The following LRIG1 variants were observed in gnomAD, a reference collection of about 807,000 sequenced individuals.
LRIG1 encodes the protein leucine rich repeats and immunoglobulin like domains 1, also known as leucine-rich repeats and immunoglobulin-like domains protein 1.
Under a neutral mutation model 99.2 loss-of-function variants are expected in LRIG1, and 48 were observed. That is an observed-to-expected ratio of 0.48 (90% CI 0.38 to 0.62). LRIG1 has a LOEUF of 0.62. LRIG1 is among the 20% of genes least tolerant of loss of function. The pLI is 0.00. For synonymous variants in LRIG1, 772 were observed against 596.1 expected (o/e 1.29, Z -4.30); for missense variants, 1,646 against 1,434.4 (o/e 1.15, Z -2.38).
intron 3 of LRIG1, among the ~76,000 whole-genome samples, chr3:66,437,368 G>T (rs1218757247): frequency 1.3e-5 from 2 of 152,200 alleles, no homozygotes; most frequent in East Asian, 3.8e-4. Context: ...CCCCAATAAT[G>T]AGCCCTGGGG....
chr3:66,493,260 T>A (rs749393084), intron 1 of LRIG1, among the ~76,000 whole-genome samples: 1 of 152,178 alleles, frequency 6.6e-6, no homozygotes, highest in Non-Finnish European at 1.5e-5. Context: ...TGGGAAATAA[T>A]AGGATAAAAT....
At chr3:66,413,052 G>A (rs1347029693) in intron 5 of LRIG1, 38 bp from the exon 6 acceptor site, 1 of 1,610,748 alleles carries the variant, frequency 6.2e-7, no homozygotes, top group Non-Finnish European at 8.5e-7. Flanking sequence ...AGTGTCTTAT[G>A]TGCATATCCC....
chr3:66,493,952 AG>A (rs1701168577), intron 1 of LRIG1, among the ~76,000 whole-genome samples: 1 of 150,774 alleles, frequency 6.6e-6, no homozygotes, highest in African/African-American at 2.4e-5. Flanking sequence ...AAACAGAGAA[AG>A]AAAGAAAGAA....
rs1701344220 is a variant in LRIG1 at position 66,500,908 on chromosome 3, T to C, written c.-501A>G. The C allele has an allele frequency of 6.6e-6, 1 of 151,762 alleles. No homozygotes were observed. The highest frequency in any genetic ancestry group is 2.1e-4 in the South Asian group (1 of 4,830). 9.4% of individuals were successfully genotyped at this position (151,762 alleles called of 1,614,324 possible). ...GCTGGGAGGCCCCAGTGCGCCTCGC[T>C]GTCCCCACGCCGCGGCCAGAGAGCG... is the stretch of plus-strand genomic sequence containing the variant. On this transcript the variant is annotated 5_prime_UTR_variant, in exon 1 of 19. Coordinates refer to ENST00000273261, the MANE Select transcript of LRIG1 (RefSeq NM_015541.3).
At chr3:66,478,128 T>TAAA (rs1206930294) in intron 1 of LRIG1, among the ~76,000 whole-genome samples, 1 of 152,232 alleles carries the variant, frequency 6.6e-6, no homozygotes, top group Admixed American at 6.5e-5. Context: ...CCACACCGTT[T>TAAA]ATTTGCCGCC....
chr3:66,439,712 G>A (rs943777579), intron 3 of LRIG1, among the ~76,000 whole-genome samples: 7 of 152,106 alleles, frequency 4.6e-5, no homozygotes, highest in Non-Finnish European at 8.8e-5. Context: ...TGACATATAG[G>A]TAGAATGCAA....
At chr3:66,468,511 C>T (rs532793720) in intron 1 of LRIG1, among the ~76,000 whole-genome samples, 11 of 152,276 alleles carry the variant, frequency 7.2e-5, no homozygotes, top group Admixed American at 2.0e-4. Context: ...GACTCCTGAG[C>T]GCCACAGTAT....
In LRIG1 at chr3:66,481,249, C is replaced by A. The variant is rs142047319; in HGVS notation, c.219-18740G>T. Among the ~76,000 whole-genome samples the A allele has an allele frequency of 3.2e-3, 494 of 152,344 alleles. 7 individuals are homozygous for A. Among genetic ancestry groups the A allele is most frequent in the Non-Finnish European group, 3.9e-3 (265 of 68,032 alleles). On this transcript the variant is annotated intron_variant, in intron 1 of 18. Coordinates refer to ENST00000273261, the MANE Select transcript of LRIG1 (RefSeq NM_015541.3). ...CATCAAAGAGATTCCAGTTGCTCCC[C>A]TTGCGCCATAAACTCTTTCACCCAA... is the stretch of plus-strand genomic sequence containing the variant.
At chr3:66,440,122 A>C (rs1703492732) in intron 3 of LRIG1, among the ~76,000 whole-genome samples, 1 of 152,134 alleles carries the variant, frequency 6.6e-6, no homozygotes, top group African/African-American at 2.4e-5. Context: ...TTTCAGTTGC[A>C]ATTATCCAGC....
chr3:66,474,046 A>C (rs1700661306), intron 1 of LRIG1, among the ~76,000 whole-genome samples: 1 of 152,212 alleles, frequency 6.6e-6, no homozygotes, highest in Non-Finnish European at 1.5e-5. Context: ...GGTTGTTGAA[A>C]TGGCTGAGAA....
At chr3:66,393,880 T>C (rs1466731900) in intron 12 of LRIG1, among the ~76,000 whole-genome samples, 160 bp downstream of exon 12, 5 of 152,252 alleles carry the variant, frequency 3.3e-5, no homozygotes, top group African/African-American at 1.2e-4. Context: ...CGGTAAATAC[T>C]GTGTGTGGTT....
At chr3:66,451,522 C>G in intron 3 of LRIG1, 37 bp downstream of exon 3, 1 of 1,595,880 alleles carries the variant, frequency 6.3e-7, no homozygotes, top group Middle Eastern at 1.7e-4. Context: ...CATGGCCCCA[C>G]CACACAGCCC....
At chr3:66,467,309 A>G (rs1448615991) in intron 1 of LRIG1, among the ~76,000 whole-genome samples, 2 of 152,136 alleles carry the variant, frequency 1.3e-5, no homozygotes, top group African/African-American at 4.8e-5. Context: ...TTTAAATGAA[A>G]TTAAAATTAC....
intron 4 of LRIG1, among the ~76,000 whole-genome samples, 191 bp downstream of exon 4, chr3:66,416,938 G>A (rs1702632530): frequency 1.3e-5 from 2 of 152,232 alleles, no homozygotes; most frequent in Non-Finnish European, 2.9e-5. Flanking sequence ...GCAGGATCTG[G>A]ACGTGCTCTA....
At position 66,379,620 on chromosome 3, in the gene LRIG1, TAAACCTAA is replaced by T; in HGVS notation, c.*635_*642del. ...CTACGCCTTACAGACAGACAGGACT[TAAACCTAA>T]AAGGAAAAGCCATTCACTGCAAGTG... On this transcript the variant is annotated 3_prime_UTR_variant, in exon 19 of 19. Coordinates refer to ENST00000273261, the MANE Select transcript of LRIG1 (RefSeq NM_015541.3). The T allele has an allele frequency of 6.6e-6, 1 of 152,292 alleles. No individual in the cohort carries two copies. The highest frequency in any genetic ancestry group is 2.1e-4 in the South Asian group (1 of 4,822). 9.4% of individuals were successfully genotyped at this position (152,292 alleles called of 1,614,324 possible). A position where few individuals can be genotyped will look rare whatever the true frequency, so the allele number is the denominator to read the frequency against.
chr3:66,491,487 G>T (rs183152791), intron 1 of LRIG1, among the ~76,000 whole-genome samples: 1 of 152,238 alleles, frequency 6.6e-6, no homozygotes, highest in African/African-American at 2.4e-5. Context: ...TCTGTATTTT[G>T]AGAACATATA....
At chr3:66,382,913 C>T (rs540338607) in intron 15 of LRIG1, 69 bp downstream of exon 15, 35 of 1,439,338 alleles carry the variant, frequency 2.4e-5, no homozygotes, top group Admixed American at 8.1e-5. Context: ...CACTGGAACC[C>T]GGCCCAGTTC....
intron 1 of LRIG1, among the ~76,000 whole-genome samples, chr3:66,485,830 T>G (rs547663003): frequency 6.6e-6 from 1 of 152,254 alleles, no homozygotes; most frequent in East Asian, 1.9e-4. Context: ...AAACACGCTC[T>G]TCAAGATCAC....
chr3:66,452,636 T>G (rs978682441), intron 2 of LRIG1, among the ~76,000 whole-genome samples: 1 of 152,166 alleles, frequency 6.6e-6, no homozygotes, highest in Non-Finnish European at 1.5e-5. Flanking sequence ...CTGTTTCTGT[T>G]TGAAGACAAA....
Sources: allele counts gnomAD v4.1 joint callset (sites outside exome capture counted in the v4.1 genomes callset), GRCh38; gene constraint gnomAD v4.1.1; transcripts MANE v1.5; gene names NCBI Gene and HGNC (gene_info 2026-07-23, HGNC 2026-07-21).